Variants in KRT84 observed in about 807,000 individuals in gnomAD.
KRT84 encodes the protein keratin 84.
A neutral mutation model predicts 49.0 loss-of-function variants in KRT84; 38 were observed. The observed-to-expected ratio is 0.78, with a 90% CI of 0.60 to 1.02. The LOEUF is 1.02. Ranked by LOEUF, KRT84 falls within the 50% of genes least tolerant of loss-of-function variation. The pLI is 0.00. For missense variants in KRT84, 860 were observed against 788.6 expected (o/e 1.09, Z -1.08); for synonymous variants, 334 against 312.8 (o/e 1.07, Z -0.72).
intron 7 of KRT84, among the ~76,000 whole-genome samples, 186 bp from the exon 8 acceptor site, chr12:52,380,093 A>G (rs1267821587): frequency 6.6e-6 from 1 of 152,188 alleles, no homozygotes; most frequent in African/African-American, 2.4e-5. Context: ...ATTAGATTAA[A>G]ATATTTAAGG....
At chr12:52,380,676 C>T (rs1782413715) in intron 6 of KRT84, 93 bp from the exon 7 acceptor site, 2 of 1,321,890 alleles carry the variant, frequency 1.5e-6, no homozygotes, top group Admixed American at 4.6e-5. Flanking sequence ...GGGAACATAG[C>T]CTGGGGCCAA....
chr12:52,381,598 C>T (rs1939486922), intron 4 of KRT84, 73 bp from the exon 5 acceptor site: 1 of 1,494,698 alleles, frequency 6.7e-7, no homozygotes, highest in Non-Finnish European at 9.2e-7. Context: ...CACAGGGGGC[C>T]CAGGAAGTGG....
chr12:52,383,201 A>G (rs1187453341), intron 2 of KRT84, 136 bp from the exon 3 acceptor site: 3 of 712,812 alleles, frequency 4.2e-6, no homozygotes, highest in Non-Finnish European at 7.6e-6. Flanking sequence ...ATGCTATAAC[A>G]TCATCCCCTC....
intron 2 of KRT84, 66 bp downstream of exon 2, chr12:52,383,524 C>T (rs1939520515): frequency 7.1e-7 from 1 of 1,411,532 alleles, no homozygotes; most frequent in South Asian, 1.2e-5. Context: ...CTCATCTGAG[C>T]TTGGCAGCTA....
At chr12:52,380,628 C>A in intron 6 of KRT84, 45 bp from the exon 7 acceptor site, 2 of 1,530,704 alleles carry the variant, frequency 1.3e-6, no homozygotes, top group Non-Finnish European at 1.8e-6. Context: ...AGTGCCAGGG[C>A]ATCCCCAGGT....
rs190766168 is a variant in KRT84 at position 52,382,307 on chromosome 12, T to C, written c.912+130A>G. On this transcript the variant is annotated intron_variant, in intron 4 of 8. Transcript: ENST00000257951. ...TGAAGACATATTGGCATATATAGCA[T>C]ACAGATTTGAGTGAGAGGAAAGATA... is the stretch of plus-strand genomic sequence containing the variant. 1.0e-3 allele frequency: 670 copies of C among 657,510 alleles called. 3 individuals carry two copies. In the African/African-American group the frequency reaches 0.011, roughly 10 times the overall value. The allele number at this position is 657,510 out of a possible 1,614,324, so 40.7% of individuals were successfully genotyped here. A position where few individuals can be genotyped will look rare whatever the true frequency, so the allele number is the denominator to read the frequency against.
At chr12:52,383,105 C>G in intron 2 of KRT84, 40 bp from the exon 3 acceptor site, 1 of 1,562,264 alleles carries the variant, frequency 6.4e-7, no homozygotes, top group South Asian at 1.1e-5. Flanking sequence ...TTACTCTGAA[C>G]TGAGAGGCAG....
In KRT84 at chr12:52,385,210, C is replaced by T; in HGVS notation, c.376G>A (p.Val126Ile). 6.2e-7 allele frequency: 1 copy of T among 1,613,352 alleles called. No homozygotes were observed. Among genetic ancestry groups the T allele is most frequent in the South Asian group, 1.1e-5 (1 of 91,018 alleles). The change falls in exon 1 of 9, where the codon GTT becomes ATT. Residue 126 changes from valine (V) to isoleucine (I), a missense_variant. Val to Ile is a conservative substitution (Grantham distance 29). Transcript: ENST00000257951. ...GFGGPGFGYRVGGVGVPAAPS... is the reference protein window; with the variant it reads ...GFGGPGFGYRIGGVGVPAAPS... ...GCTGCTGGGACTCCAACCCCTCCAA[C>T]TCTGTAACCAAAGCCAGGGCCACCA...
At chr12:52,378,827 C>T (rs1475932924) in intron 8 of KRT84, among the ~76,000 whole-genome samples, 2 of 152,230 alleles carry the variant, frequency 1.3e-5, no homozygotes, top group African/African-American at 4.8e-5. Context: ...GGAAACCCCT[C>T]CAACACTAGT....
chr12:52,380,526 T>G lies in KRT84; in HGVS notation c.1261A>C (p.Ser421Arg). The change falls in exon 7 of 9, where the codon AGT becomes CGT. Residue 421 changes from serine to arginine, a missense_variant. Ser to Arg is a moderately radical substitution (Grantham distance 110, BLOSUM62 -1). Coordinates refer to ENST00000257951, the MANE Select transcript of KRT84 (RefSeq NM_033045.4). ...TCTGCCAGCTTGCATTTGGCATCACTGAGGGTCGCCTCGCCCTGCTGCTCG... is the reference window on the plus strand; with the variant it reads ...TCTGCCAGCTTGCATTTGGCATCACGGAGGGTCGCCTCGCCCTGCTGCTCG... ...EAEQQGEATLSDAKCKLADLE... is the reference protein window; with the variant it reads ...EAEQQGEATLRDAKCKLADLE... 4 of 1,614,036 alleles carry G rather than the reference T, an allele frequency of 2.5e-6. No homozygotes were observed. The highest frequency in any genetic ancestry group is 3.4e-6 in the Non-Finnish European group (4 of 1,179,928).
rs184984749 is a variant in KRT84, at chr12:52,381,210, G to A, written c.1078-5C>T. The A allele has an allele frequency of 8.3e-4, 1,343 of 1,614,042 alleles. 14 individuals are homozygous for A. In the African/African-American group the frequency reaches 0.015, roughly 18 times the overall value. On this transcript the variant is annotated splice_region_variant and splice_polypyrimidine_tract_variant and intron_variant, in intron 5 of 8. Coordinates refer to ENST00000257951, the MANE Select transcript of KRT84 (RefSeq NM_033045.4). ...TGTCACCTGCATCTCTTCATACTGC[G>A]GAGAGAGGAGGGTATTTTGAGGGTT...
chr12:52,379,953 C>T (rs368507888), intron 7 of KRT84, 46 bp from the exon 8 acceptor site: 11 of 1,561,468 alleles, frequency 7.0e-6, no homozygotes, highest in African/African-American at 6.8e-5. Flanking sequence ...CTATTGTTTC[C>T]TGAAAACCTA....
Position 52,380,387 on chromosome 12 carries a change from C to T in KRT84, c.1400G>A (p.Arg467His), listed in dbSNP as rs745973447. The T allele has an allele frequency of 2.0e-5, 32 of 1,613,992 alleles. No homozygotes were observed. Among genetic ancestry groups the T allele is most frequent in the Admixed American group, 8.3e-5 (5 of 60,014 alleles). Residue 467 changes from arginine (R) to histidine (H), a missense_variant, in exon 7 of 9, where the codon CGC becomes CAC. Physicochemically the swap from Arg to His is conservative, Grantham distance 29. Transcript: ENST00000257951. The part of the protein sequence containing the change: ...GLDIEIATYR[R>H]LLEGEESRLC... ...CCGGCTCTCCTCGCCCTCCAGCAGG[C>T]GCCTGTAGGTGGCGATCTCGATGTC...
At chr12:52,380,325 G>T (rs374073643) in intron 7 of KRT84, 38 bp downstream of exon 7, 1 of 1,609,700 alleles carries the variant, frequency 6.2e-7, no homozygotes, top group African/African-American at 1.3e-5. Context: ...AGATGCCTAA[G>T]TCTGACTTCA....
intron 8 of KRT84, among the ~76,000 whole-genome samples, chr12:52,379,623 AGCTGGCT>A (rs1393763163): frequency 1.3e-5 from 2 of 152,336 alleles, no homozygotes; most frequent in Non-Finnish European, 2.9e-5. Flanking sequence ...AAAGCAAAAA[AGCTGGCT>A]GTCCTCCACT....
At chr12:52,379,851 G>A in intron 8 of KRT84, 25 bp downstream of exon 8, 1 of 1,593,110 alleles carries the variant, frequency 6.3e-7, no homozygotes, top group Non-Finnish European at 8.6e-7. Context: ...AGAAATGTGT[G>A]AAGAGGAAAA....
chr12:52,385,977 G>A (rs1222317362), upstream of KRT84, among the ~76,000 whole-genome samples: 5 of 152,154 alleles, frequency 3.3e-5, no homozygotes, highest in African/African-American at 1.2e-4. Flanking sequence ...TTTTCACTGT[G>A]AGTGTGGCTA....
In KRT84 at chr12:52,385,418, G is replaced by A. The variant is rs1939557872; in HGVS notation, c.168C>T (p.Ile56=). The part of the protein sequence containing the change: ...GLGSFGSRSV[I]TFGSYSPRIA... ...TCCGGGGTGAGTACGATCCAAAGGT[G>A]ATGACACTCCGACTACCAAAGCTGC... The change falls in exon 1 of 9, where the codon ATC becomes ATT. Residue 56 remains isoleucine (I), a synonymous_variant. Transcript: ENST00000257951. 1.2e-6 allele frequency: 2 copies of A among 1,614,070 alleles called. No individual in the cohort carries two copies. The highest frequency in any genetic ancestry group is 3.3e-5 in the Admixed American group (2 of 60,000).
At chr12:52,380,997 C>T (rs1284918363) in intron 6 of KRT84, 83 bp downstream of exon 6, 15 of 1,551,558 alleles carry the variant, frequency 9.7e-6, no homozygotes, top group African/African-American at 5.5e-5. Context: ...TGGTCTCCCT[C>T]ACCTCATTAG....
Sources: gnomAD v4.1 joint callset for allele counts (sites outside exome capture counted in the v4.1 genomes callset) on GRCh38, gnomAD v4.1.1 for gene constraint, MANE v1.5 for transcripts, NCBI Gene and HGNC (gene_info 2026-07-23, HGNC 2026-07-21) for gene names.